The following SCCPDH variants were observed in gnomAD, a reference collection of about 807,000 sequenced individuals.
SCCPDH encodes saccharopine dehydrogenase (putative), also known as saccharopine dehydrogenase-like oxidoreductase.
SCCPDH carries 34 observed loss-of-function variants against 51.5 expected under a neutral mutation model. The ratio of observed to expected loss-of-function variants is 0.66; its 90% CI spans 0.50 to 0.88. The LOEUF (loss-of-function observed/expected upper bound fraction) is 0.88. SCCPDH is among the 40% of genes least tolerant of loss of function. The pLI, the probability that SCCPDH is intolerant of heterozygous loss-of-function variation, is 0.00. For missense variants in SCCPDH, 464 were observed against 527.1 expected, an observed-to-expected ratio of 0.88 and a Z score of 1.17; for synonymous variants, 187 against 191.3, an observed-to-expected ratio of 0.98 and a Z score of 0.19.
chr1:246,750,084 G>T (rs961812800), intron 5 of SCCPDH, among the ~76,000 whole-genome samples: 1 of 152,186 alleles, frequency 6.6e-6, no homozygotes, highest in Non-Finnish European at 1.5e-5. Context: ...TTGGACCCAG[G>T]TGTAATGAGT....
intron 10 of SCCPDH, among the ~76,000 whole-genome samples, 153 bp from the exon 11 acceptor site, chr1:246,765,905 T>A (rs1669081185): frequency 6.6e-6 from 1 of 152,218 alleles, no homozygotes. Flanking sequence ...ATAAATACTT[T>A]CGATATGTTA....
At chr1:246,763,541 G>A (rs1311382753) in intron 9 of SCCPDH, among the ~76,000 whole-genome samples, 1 of 152,140 alleles carries the variant, frequency 6.6e-6, no homozygotes, top group Non-Finnish European at 1.5e-5. Flanking sequence ...TATATATACA[G>A]TTCAGAACCA....
At chr1:246,724,653 GC>G in intron 1 of SCCPDH, 41 bp downstream of exon 1, 1 of 1,418,234 alleles carries the variant, frequency 7.1e-7, no homozygotes, top group Non-Finnish European at 9.1e-7. Context: ...GGGCGGCTGG[GC>G]CGGGGACCCC....
intron 10 of SCCPDH, 94 bp from the exon 11 acceptor site, chr1:246,765,964 G>C: frequency 2.5e-6 from 2 of 801,928 alleles, no homozygotes; most frequent in Non-Finnish European, 4.1e-6. Context: ...TGCACACCTA[G>C]AGTAAGATAT....
At chr1:246,736,687 C>T (rs929499180) in intron 3 of SCCPDH, among the ~76,000 whole-genome samples, 6 of 151,018 alleles carry the variant, frequency 4.0e-5, no homozygotes, top group East Asian at 1.9e-4. Flanking sequence ...CGCCACAGAG[C>T]GAGAGCGAGA....
chr1:246,730,041 T>A (rs1231716376), intron 2 of SCCPDH, among the ~76,000 whole-genome samples: 1 of 152,114 alleles, frequency 6.6e-6, no homozygotes, highest in Non-Finnish European at 1.5e-5. Flanking sequence ...TCCCATATTT[T>A]AAAAAAAGCT....
chr1:246,726,878 GT>G lies in SCCPDH; in HGVS notation c.191-11del, dbSNP rs763379509. 20 of 1,574,682 alleles carry G rather than the reference GT, an allele frequency of 1.3e-5. No homozygotes were observed. In the Admixed American group the frequency reaches 2.7e-4, roughly 21 times the overall value. On this transcript the variant is annotated splice_polypyrimidine_tract_variant and intron_variant, in intron 1 of 11. Coordinates refer to ENST00000366510, the MANE Select transcript of SCCPDH (RefSeq NM_016002.3). Reference sequence around the variant, plus strand: ...TACTGGGATTTACTTTCCTTCATTTGTTTCTTATTTTAGGAAGACCAACACT... The same window carrying G: ...TACTGGGATTTACTTTCCTTCATTTGTTCTTATTTTAGGAAGACCAACACT...
chr1:246,738,248 C>A (rs1668627594), intron 3 of SCCPDH, among the ~76,000 whole-genome samples: 12 of 151,904 alleles, frequency 7.9e-5, no homozygotes, highest in Admixed American at 7.9e-4. Context: ...TGCGGTGGCT[C>A]ACACCTGTAA....
chr1:246,758,250 T>G lies in SCCPDH; in HGVS notation c.589T>G (p.Trp197Gly), dbSNP rs779621504. ...PEGLSIHDGT[W>G]KSAIYGFGDQ... ...GGGGTTGAGCATTCATGATGGTACCTGGAAGTCAGCAATTTATGGTTTTGG... is the reference window on the plus strand; with the variant it reads ...GGGGTTGAGCATTCATGATGGTACCGGGAAGTCAGCAATTTATGGTTTTGG... The change falls in exon 6 of 12, where the codon TGG becomes GGG. Residue 197 changes from tryptophan (W) to glycine (G), a missense_variant. Physicochemically the swap from Trp to Gly is radical, Grantham distance 184. Coordinates refer to ENST00000366510, the MANE Select transcript of SCCPDH (RefSeq NM_016002.3). 1 of 1,606,514 alleles carries G rather than the reference T, an allele frequency of 6.2e-7. No homozygotes were observed. Among genetic ancestry groups the G allele is most frequent in the Admixed American group, 1.7e-5 (1 of 58,732 alleles).
intron 11 of SCCPDH, 37 bp from the exon 12 acceptor site, chr1:246,767,157 AG>A: frequency 7.0e-7 from 1 of 1,431,154 alleles, no homozygotes; most frequent in Non-Finnish European, 9.7e-7. Flanking sequence ...ACTGGAGAGG[AG>A]CTGAGTGCAC....
intron 5 of SCCPDH, among the ~76,000 whole-genome samples, chr1:246,747,040 A>T (rs1279449142): frequency 2.6e-5 from 4 of 152,198 alleles, no homozygotes; most frequent in Non-Finnish European, 4.4e-5. Context: ...AACCAACAAA[A>T]CAAAAAAGAA....
At chr1:246,731,102 G>A (rs1334515865) in intron 2 of SCCPDH, among the ~76,000 whole-genome samples, 1 of 152,166 alleles carries the variant, frequency 6.6e-6, no homozygotes, top group Non-Finnish European at 1.5e-5. Context: ...GAGCAGGATT[G>A]CGGTTCTGAC....
In SCCPDH at chr1:246,761,839, T is replaced by C. The variant is rs775325201; in HGVS notation, c.990+1612T>C. Among the ~76,000 whole-genome samples the C allele has an allele frequency of 2.6e-5, 4 of 152,280 alleles. No homozygotes were observed. In the East Asian group the frequency reaches 7.7e-4, roughly 29 times the overall value. On this transcript the variant is annotated intron_variant, in intron 9 of 11. Transcript: ENST00000366510. ...TCCAGCTTTTGGCTATTGCCAGTTA[T>C]GCTGCTGCGAACATGGGTGTACAGA...
At chr1:246,747,037 A>C (rs1368157084) in intron 5 of SCCPDH, among the ~76,000 whole-genome samples, 5 of 152,252 alleles carry the variant, frequency 3.3e-5, no homozygotes, top group Non-Finnish European at 7.3e-5. Flanking sequence ...TTAAACCAAC[A>C]AAACAAAAAA....
chr1:246,741,263 A>G (rs747228695), intron 4 of SCCPDH, among the ~76,000 whole-genome samples: 9 of 152,148 alleles, frequency 5.9e-5, no homozygotes, highest in Middle Eastern at 3.2e-3. Flanking sequence ...CACACAAACT[A>G]CAAATCTTGC....
At chr1:246,756,267 A>G (rs1473231565) in intron 5 of SCCPDH, among the ~76,000 whole-genome samples, 1 of 152,228 alleles carries the variant, frequency 6.6e-6, no homozygotes, top group Non-Finnish European at 1.5e-5. Context: ...AGAAACAGGC[A>G]AAACTAATTG....
intron 5 of SCCPDH, among the ~76,000 whole-genome samples, chr1:246,748,149 A>G (rs1337472765): frequency 6.6e-6 from 1 of 151,966 alleles, no homozygotes; most frequent in Non-Finnish European, 1.5e-5. Flanking sequence ...AATAGGGTGG[A>G]GGAGAGCTAA....
chr1:246,735,564 C>T (rs571351723), intron 2 of SCCPDH, among the ~76,000 whole-genome samples: 1 of 152,228 alleles, frequency 6.6e-6, no homozygotes, highest in Non-Finnish European at 1.5e-5. Context: ...CGGAGTCTCA[C>T]TCTGTCGCCC....
At position 246,760,153 on chromosome 1, in the gene SCCPDH, G is replaced by T; in HGVS notation, c.934-18G>T. On this transcript the variant is annotated intron_variant, in intron 8 of 11. Coordinates refer to ENST00000366510, the MANE Select transcript of SCCPDH (RefSeq NM_016002.3). ...GAGTTTTAAAAAAATATCACTGACGGTTTTTTTTTCCCTTTAGTTCCCATG... is the reference window on the plus strand; with the variant it reads ...GAGTTTTAAAAAAATATCACTGACGTTTTTTTTTTCCCTTTAGTTCCCATG... 2.5e-6 allele frequency: 4 copies of T among 1,578,742 alleles called. No homozygotes were observed. The highest frequency in any genetic ancestry group is 2.6e-6 in the Non-Finnish European group (3 of 1,161,578).
Sources: gnomAD v4.1 joint callset for allele counts (sites outside exome capture counted in the v4.1 genomes callset) on GRCh38, gnomAD v4.1.1 for gene constraint, MANE v1.5 for transcripts, NCBI Gene and HGNC (gene_info 2026-07-23, HGNC 2026-07-21) for gene names.